The following ZNF562 variants were observed in gnomAD, a reference collection of about 807,000 sequenced individuals.
ZNF562 encodes zinc finger protein 562.
A neutral mutation model predicts 17.5 loss-of-function variants in ZNF562; 13 were observed. The ratio of observed to expected loss-of-function variants is 0.74; its 90% CI spans 0.48 to 1.18. The LOEUF is 1.18. Among genes scored for constraint, ZNF562 ranks in the 50% most tolerant of loss-of-function variants. The pLI, the probability that ZNF562 is intolerant of heterozygous loss-of-function variation, is 0.00. For missense variants in ZNF562, 481 were observed against 498.5 expected (o/e 0.96, Z 0.33); for synonymous variants, 163 against 165.4 (o/e 0.99, Z 0.11).
At position 9,670,416 on chromosome 19, in the gene ZNF562, T is replaced by C. The variant is rs968849543; in HGVS notation, c.-131+4599A>G. 3.3e-5 allele frequency among the ~76,000 whole-genome samples: 5 copies of C among 152,082 alleles called. No individual in the cohort carries two copies. The East Asian group carries it at 9.6e-4, about 29-fold the overall frequency. On this transcript the variant is annotated intron_variant, in intron 1 of 5. Transcript: ENST00000453372. ...GCAGCACTACTCATAATAGCCAAAA[T>C]ATGGAATCAACCTAAGTGTCTAACA...
intron 5 of ZNF562, among the ~76,000 whole-genome samples, 158 bp downstream of exon 5, chr19:9,656,389 G>T (rs1041145071): frequency 1.3e-5 from 2 of 152,018 alleles, no homozygotes; most frequent in African/African-American, 4.8e-5. Flanking sequence ...GGTGCCTGTA[G>T]TCCTAGCTAC....
Position 9,653,879 on chromosome 19 carries a change from C to T in ZNF562, c.351G>A (p.Gln117=). ...KNQIFTGIQM[Q]TRSYSGWKLC... ...GTTTCCATCCACTGTAGCTTCTTGT[C>T]TGCTGATGAGGGGATAAAGGATTTA... The change falls in exon 6 of 6, where the codon CAG becomes CAA. Residue 117 remains glutamine (Q), a splice_region_variant and synonymous_variant. Coordinates refer to ENST00000453372, the MANE Select transcript of ZNF562 (RefSeq NM_001130031.2). 6.4e-7 allele frequency: 1 copy of T among 1,562,878 alleles called. No individual in the cohort carries two copies. The highest frequency in any genetic ancestry group is 8.6e-7 in the Non-Finnish European group (1 of 1,156,216).
In ZNF562 at chr19:9,644,344, A is replaced by C. The variant is rs1175085879; in HGVS notation, c.*8605T>G. The C allele has an allele frequency of 6.6e-6, 1 of 152,122 alleles. No individual in the cohort carries two copies. The highest frequency in any genetic ancestry group is 1.9e-4 in the East Asian group (1 of 5,192). The allele number at this position is 152,122 out of a possible 1,614,324, so 9.4% of individuals were successfully genotyped here. A position where few individuals can be genotyped will look rare whatever the true frequency, so the allele number is the denominator to read the frequency against. Reference sequence around the variant, plus strand: ...GGTGGCTCATGCTTGTAATCCCAGCACTTTGGGAGGCCCAGAAGAGAGGAT... The same window carrying C: ...GGTGGCTCATGCTTGTAATCCCAGCCCTTTGGGAGGCCCAGAAGAGAGGAT... On this transcript the variant is annotated 3_prime_UTR_variant, in exon 6 of 6. Transcript: ENST00000453372.
rs779326989 is a variant in ZNF562 at position 9,653,475 on chromosome 19, G to A, written c.755C>T (p.Ala252Val). The A allele has an allele frequency of 1.9e-6, 3 of 1,614,080 alleles. No individual in the cohort carries two copies. The highest frequency in any genetic ancestry group is 3.3e-5 in the Admixed American group (2 of 59,998). ...TTSSHLKQCV[A>V]VHTGKKSEKT... ...TTCGGATTTCTTTCCAGTATGAACT[G>A]CTACACACTGCTTTAAGTGTGAGGA... The change falls in exon 6 of 6, where the codon GCA becomes GTA. Residue 252 changes from alanine (A) to valine (V), a missense_variant. Ala to Val is a moderately conservative substitution (Grantham distance 64). Around this residue, in one of 2 missense-constraint regions of ZNF562, gnomAD observed 403 missense variants for 386.4 expected, o/e 1.04. Transcript: ENST00000453372.
At chr19:9,674,835 C>T (rs986130430) in intron 1 of ZNF562, 180 bp downstream of exon 1, 2 of 152,314 alleles carry the variant, frequency 1.3e-5, no homozygotes, top group Non-Finnish European at 2.9e-5. Flanking sequence ...CACTTCCCGA[C>T]GCAGCCAGAC....
In ZNF562 at chr19:9,647,303, A is replaced by C. The variant is rs1231859140; in HGVS notation, c.*5646T>G. On this transcript the variant is annotated 3_prime_UTR_variant, in exon 6 of 6. Coordinates refer to ENST00000453372, the MANE Select transcript of ZNF562 (RefSeq NM_001130031.2). ...CAACATGTTGGCCAGGATGGTCTTG[A>C]TCTCTTGACCTCATGATCTGCCTGC... The C allele has an allele frequency of 6.6e-6, 1 of 151,352 alleles. No individual in the cohort carries two copies. The highest frequency in any genetic ancestry group is 1.5e-5 in the Non-Finnish European group (1 of 67,908). The allele number at this position is 151,352 out of a possible 1,614,324, so 9.4% of individuals were successfully genotyped here. A position where few individuals can be genotyped will look rare whatever the true frequency, so the allele number is the denominator to read the frequency against.
intron 1 of ZNF562, among the ~76,000 whole-genome samples, chr19:9,664,814 C>G (rs993495675): frequency 6.6e-6 from 1 of 151,756 alleles, no homozygotes; most frequent in African/African-American, 2.4e-5. Context: ...TCATGAGGTA[C>G]AGCCTGGGCG....
At chr19:9,664,361 C>G (rs112132717) in intron 1 of ZNF562, among the ~76,000 whole-genome samples, 3 of 152,212 alleles carry the variant, frequency 2.0e-5, no homozygotes, top group African/African-American at 7.2e-5. Flanking sequence ...CTTGTTTTAA[C>G]GTTCCTTAAA....
At chr19:9,669,724 GCGCGCGCGCGCACACA>G (rs1355486411) in intron 1 of ZNF562, among the ~76,000 whole-genome samples, 62 of 77,990 alleles carry the variant, frequency 7.9e-4, no homozygotes, top group African/African-American at 2.2e-3. Context: ...GCGAGCGCGC[GCGCGCGCGCGCACACA>G]CACACACACA....
chr19:9,668,725 A>G (rs2044040158), intron 1 of ZNF562, among the ~76,000 whole-genome samples: 1 of 152,208 alleles, frequency 6.6e-6, no homozygotes, highest in African/African-American at 2.4e-5. Context: ...CTACAAAGCT[A>G]TCATAACCAA....
In ZNF562 at chr19:9,650,040, G is replaced by A. The variant is rs995098151; in HGVS notation, c.*2909C>T. The A allele has an allele frequency of 6.6e-6, 1 of 151,940 alleles. No individual in the cohort carries two copies. The highest frequency in any genetic ancestry group is 1.5e-5 in the Non-Finnish European group (1 of 68,012). 9.4% of individuals were successfully genotyped at this position (151,940 alleles called of 1,614,324 possible). ...AGAAAAGAACCTATGTGAATATCGG[G>A]GCTGGTTCCCTGACAGGACATAACC... On this transcript the variant is annotated 3_prime_UTR_variant, in exon 6 of 6. Coordinates refer to ENST00000453372, the MANE Select transcript of ZNF562 (RefSeq NM_001130031.2).
At chr19:9,665,187 A>C (rs2043905729) in intron 1 of ZNF562, among the ~76,000 whole-genome samples, 1 of 148,510 alleles carries the variant, frequency 6.7e-6, no homozygotes, top group Non-Finnish European at 1.5e-5. Flanking sequence ...GTGCCACTGC[A>C]CTCCAGCCTG....
In ZNF562 at chr19:9,665,489, G is replaced by A. The variant is rs1266962456; in HGVS notation, c.-130-4615C>T. On this transcript the variant is annotated intron_variant, in intron 1 of 5. Transcript: ENST00000453372. The stretch of plus-strand genomic sequence containing the variant: ...AGGAAGCATCACAAGAGCCTGAAGG[G>A]AGAAATACCCTGAGGACATCCAGGG... Among the ~76,000 whole-genome samples the A allele has an allele frequency of 2.6e-5, 4 of 152,144 alleles. No homozygotes were observed. In the East Asian group the frequency reaches 5.8e-4, roughly 22 times the overall value.
Position 9,644,526 on chromosome 19 carries a change from G to A in ZNF562, c.*8423C>T, listed in dbSNP as rs908718698. On this transcript the variant is annotated 3_prime_UTR_variant, in exon 6 of 6. Coordinates refer to ENST00000453372, the MANE Select transcript of ZNF562 (RefSeq NM_001130031.2). ...AGACTGGGTAAGTTATGAAGAAAAAGAGGTTTAATGGACTCACAGTTCCAC... is the reference window on the plus strand; with the variant it reads ...AGACTGGGTAAGTTATGAAGAAAAAAAGGTTTAATGGACTCACAGTTCCAC... 3.9e-5 allele frequency: 6 copies of A among 152,246 alleles called. No individual in the cohort carries two copies. Among genetic ancestry groups the A allele is most frequent in the Admixed American group, 3.9e-4 (6 of 15,272 alleles). 9.4% of individuals were successfully genotyped at this position (152,246 alleles called of 1,614,324 possible).
At chr19:9,669,762 A>ACACG (rs2044107990) in intron 1 of ZNF562, among the ~76,000 whole-genome samples, 3 of 150,824 alleles carry the variant, frequency 2.0e-5, no homozygotes, top group African/African-American at 7.3e-5. Context: ...ACACACACAC[A>ACACG]CACACACACA....
At chr19:9,659,321 G>C (rs2043634961) in intron 3 of ZNF562, 58 bp downstream of exon 3, 1 of 1,429,672 alleles carries the variant, frequency 7.0e-7, no homozygotes, top group Admixed American at 2.0e-5. Context: ...AGAAGGAAAT[G>C]TGTCTACCTA....
At chr19:9,669,705 TGCACGC>T (rs1409120342) in intron 1 of ZNF562, among the ~76,000 whole-genome samples, 3 of 103,050 alleles carry the variant, frequency 2.9e-5, no homozygotes, top group East Asian at 5.3e-4. Flanking sequence ...CCTGTCTGCA[TGCACGC>T]GCGCGAGCGC....
Position 9,648,323 on chromosome 19 carries a change from G to A in ZNF562, c.*4626C>T, listed in dbSNP as rs2074823462. On this transcript the variant is annotated 3_prime_UTR_variant, in exon 6 of 6. Coordinates refer to ENST00000453372, the MANE Select transcript of ZNF562 (RefSeq NM_001130031.2). ...TATTTAATTTAATTTATTTATTTTT[G>A]ACAGAGTCGCACCCTGTCACCCAGC... 1 of 152,078 alleles carries A rather than the reference G, an allele frequency of 6.6e-6. No homozygotes were observed. Among genetic ancestry groups the A allele is most frequent in the African/African-American group, 2.4e-5 (1 of 41,406 alleles). The allele number at this position is 152,078 out of a possible 1,614,324, so 9.4% of individuals were successfully genotyped here. A position where few individuals can be genotyped will look rare whatever the true frequency, so the allele number is the denominator to read the frequency against.
intron 1 of ZNF562, among the ~76,000 whole-genome samples, chr19:9,670,166 G>A (rs1252488641): frequency 6.6e-6 from 1 of 151,960 alleles, no homozygotes; most frequent in Non-Finnish European, 1.5e-5. Context: ...CTGAGCCCAG[G>A]AAGTCAAGGC....
Sources: gnomAD v4.1 joint callset for allele counts (sites outside exome capture counted in the v4.1 genomes callset) on GRCh38, gnomAD v4.1.1 for gene constraint, gnomAD v4.1.1 regional missense constraint, MANE v1.5 for transcripts, NCBI Gene and HGNC (gene_info 2026-07-23, HGNC 2026-07-21) for gene names.